The following WWOX variants were observed in gnomAD, a reference collection of about 807,000 sequenced individuals.
The protein encoded by WWOX is WW domain containing oxidoreductase.
In WWOX, 69 loss-of-function variants were observed where a neutral mutation model predicts 46.2. That is an observed-to-expected ratio of 1.49 (90% CI 1.23 to 1.82). The LOEUF is 1.82. Ranked by LOEUF, WWOX falls within the 40% of genes most tolerant of loss-of-function variation. WWOX has a pLI of 0.00. For missense variants in WWOX, 919 were observed against 542.6 expected (o/e 1.69, Z -6.89); for synonymous variants, 359 against 202.6 (o/e 1.77, Z -6.56).
intron 5 of WWOX, among the ~76,000 whole-genome samples, chr16:78,285,457 ATT>A: frequency 6.6e-6 from 1 of 151,858 alleles, no homozygotes; most frequent in Non-Finnish European, 1.5e-5. Context: ...TAAAAAAAAA[ATT>A]AAGTTAGAAG....
chr16:79,020,946 G>A (rs926792116), intron 8 of WWOX, among the ~76,000 whole-genome samples: 1 of 152,106 alleles, frequency 6.6e-6, no homozygotes, highest in Non-Finnish European at 1.5e-5. Context: ...AGGGAGCTAA[G>A]GGGATTCTTG....
At chr16:79,109,294 C>G (rs2049371018) in intron 8 of WWOX, among the ~76,000 whole-genome samples, 1 of 152,134 alleles carries the variant, frequency 6.6e-6, no homozygotes, top group African/African-American at 2.4e-5. Context: ...ATCCTTGTCT[C>G]CCAGACCCCC....
chr16:78,491,499 G>A (rs1048059032), intron 8 of WWOX, among the ~76,000 whole-genome samples: 3 of 152,074 alleles, frequency 2.0e-5, no homozygotes, highest in Non-Finnish European at 4.4e-5. Flanking sequence ...GGGTTTTGCT[G>A]TCACCCAGGC....
rs115303195 is a variant in WWOX, at chr16:78,791,189, C to T, written c.1056+358437C>T. Among the ~76,000 whole-genome samples the T allele has an allele frequency of 1.7e-3, 266 of 152,168 alleles. 1 individual carries two copies. The highest frequency in any genetic ancestry group is 6.2e-3 in the African/African-American group (257 of 41,510). Reference sequence around the variant, plus strand: ...TTCCTGACTACCATCTGGATGTGGGCTGTATCTGCGTAAGGTGCCGGGACA... The same window carrying T: ...TTCCTGACTACCATCTGGATGTGGGTTGTATCTGCGTAAGGTGCCGGGACA... On this transcript the variant is annotated intron_variant, in intron 8 of 8. Coordinates refer to ENST00000566780, the MANE Select transcript of WWOX (RefSeq NM_016373.4).
intron 8 of WWOX, among the ~76,000 whole-genome samples, chr16:79,173,614 A>T (rs541349880): frequency 1.3e-5 from 2 of 152,196 alleles, no homozygotes; most frequent in African/African-American, 4.8e-5. Context: ...CCTATCAAAT[A>T]AAGCCTTTCT....
chr16:79,169,870 C>T (rs1351164721), intron 8 of WWOX, among the ~76,000 whole-genome samples: 1 of 152,156 alleles, frequency 6.6e-6, no homozygotes, highest in African/African-American at 2.4e-5. Context: ...GAAGTTCTTA[C>T]AGCGGGCTTG....
intron 8 of WWOX, among the ~76,000 whole-genome samples, chr16:79,197,954 C>T (rs571578184): frequency 4.6e-5 from 7 of 152,214 alleles, no homozygotes; most frequent in African/African-American, 1.2e-4. Context: ...AAATCTGGGG[C>T]AGTTATAAAT....
chr16:78,553,239 A>G (rs549109875), intron 8 of WWOX: 27 of 152,370 alleles, frequency 1.8e-4, no homozygotes, highest in African/African-American at 5.5e-4. Flanking sequence ...AGGTTTACCT[A>G]TGTAACAAAC....
Position 78,208,224 on chromosome 16 carries a change from C to T in WWOX, c.516+43935C>T, listed in dbSNP as rs576476865. ...TTTCTATAATAAAGCTAGGGGATGG[C>T]GAATCATTCTAATTACCAAAAAGCT... On this transcript the variant is annotated intron_variant, in intron 5 of 8. Coordinates refer to ENST00000566780, the MANE Select transcript of WWOX (RefSeq NM_016373.4). 2.0e-5 allele frequency among the ~76,000 whole-genome samples: 3 copies of T among 152,172 alleles called. No individual in the cohort carries two copies. The South Asian group carries it at 6.2e-4, about 31-fold the overall frequency.
rs939221355 is a variant in WWOX at position 78,802,705 on chromosome 16, C to T, written c.1056+369953C>T. Among the ~76,000 whole-genome samples the T allele has an allele frequency of 4.6e-5, 7 of 151,746 alleles. No homozygotes were observed. The South Asian group carries it at 6.3e-4, about 14-fold the overall frequency. On this transcript the variant is annotated intron_variant, in intron 8 of 8. Coordinates refer to ENST00000566780, the MANE Select transcript of WWOX (RefSeq NM_016373.4). ...CCAAGGCAGGCAGATTACTTGAGGT[C>T]AGGAGTTCAAGATCAGCCTGGGCAA...
At position 78,831,022 on chromosome 16, in the gene WWOX, T is replaced by C. The variant is rs149771465; in HGVS notation, c.1057-380586T>C. The stretch of plus-strand genomic sequence containing the variant: ...GATGCAGCAGTAATCACAGTGCTAG[T>C]GGAAGGGGAGGGCAGAATGTGATGT... On this transcript the variant is annotated intron_variant, in intron 8 of 8. Transcript: ENST00000566780. Among the ~76,000 whole-genome samples, 14 of 152,236 alleles carry C rather than the reference T, an allele frequency of 9.2e-5. 1 individual carries two copies. The East Asian group carries it at 2.7e-3, about 29-fold the overall frequency.
intron 8 of WWOX, among the ~76,000 whole-genome samples, chr16:78,903,883 A>G (rs944255504): frequency 9.2e-5 from 14 of 152,182 alleles, no homozygotes; most frequent in Admixed American, 3.3e-4. Flanking sequence ...GACTGTTGTT[A>G]TTCCTCCTTT....
chr16:78,705,065 G>T (rs2048303521), intron 8 of WWOX, among the ~76,000 whole-genome samples: 1 of 152,052 alleles, frequency 6.6e-6, no homozygotes, highest in African/African-American at 2.4e-5. Context: ...TGCTGAAAAT[G>T]AGCTGCCTGG....
intron 8 of WWOX, among the ~76,000 whole-genome samples, chr16:79,193,665 A>G (rs2051181646): frequency 1.3e-5 from 2 of 152,190 alleles, no homozygotes; most frequent in African/African-American, 4.8e-5. Context: ...ACTGCCGGTC[A>G]CCTAGCCAGC....
chr16:78,503,066 A>G (rs1418984248), intron 8 of WWOX, among the ~76,000 whole-genome samples: 1 of 152,236 alleles, frequency 6.6e-6, no homozygotes, highest in Non-Finnish European at 1.5e-5. Flanking sequence ...CCTTCTAACA[A>G]CATTGCCTTT....
At chr16:78,787,640 T>C (rs1357282725) in intron 8 of WWOX, among the ~76,000 whole-genome samples, 1 of 152,224 alleles carries the variant, frequency 6.6e-6, no homozygotes, top group Non-Finnish European at 1.5e-5. Context: ...ACTGTTTTTA[T>C]GTTTTCTGCA....
chr16:79,133,718 T>G (rs1179892576), intron 8 of WWOX, among the ~76,000 whole-genome samples: 3 of 152,210 alleles, frequency 2.0e-5, no homozygotes, highest in East Asian at 1.9e-4. Context: ...AGCCAGCAAG[T>G]GTTCTACCAG....
At chr16:78,608,628 G>A (rs2045822260) in intron 8 of WWOX, among the ~76,000 whole-genome samples, 1 of 152,150 alleles carries the variant, frequency 6.6e-6, no homozygotes, top group Non-Finnish European at 1.5e-5. Flanking sequence ...CAAGTGCAGG[G>A]TCACCAACCC....
chr16:79,023,772 CCCCATCTCTACT>C (rs2151387927), intron 8 of WWOX, among the ~76,000 whole-genome samples: 1 of 138,130 alleles, frequency 7.2e-6, no homozygotes, highest in Admixed American at 7.8e-5. Context: ...TATGGTGATA[CCCCATCTCTACT>C]AAAAATACAA....
Sources: allele counts gnomAD v4.1 joint callset (sites outside exome capture counted in the v4.1 genomes callset), GRCh38; gene constraint gnomAD v4.1.1; transcripts MANE v1.5; gene names NCBI Gene and HGNC (gene_info 2026-07-23, HGNC 2026-07-21).